The following MACROD2 variants were observed in gnomAD, a reference collection of about 807,000 sequenced individuals.
MACROD2 encodes mono-ADP ribosylhydrolase 2.
In MACROD2, 36 loss-of-function variants were observed where a neutral mutation model predicts 70.4. The observed-to-expected ratio is 0.51, with a 90% CI of 0.39 to 0.68. The LOEUF is 0.68. MACROD2 is among the 30% of genes least tolerant of loss of function. The pLI, the probability that MACROD2 is intolerant of heterozygous loss-of-function variation, is 0.00. For synonymous variants in MACROD2, 172 were observed against 178.8 expected (o/e 0.96, Z 0.30); for missense variants, 496 against 538.4 (o/e 0.92, Z 0.78).
intron 6 of MACROD2, among the ~76,000 whole-genome samples, chr20:15,279,135 A>G (rs1448243003): frequency 6.6e-6 from 1 of 152,200 alleles, no homozygotes; most frequent in East Asian, 1.9e-4. Flanking sequence ...GTTATGAGCG[A>G]CTTTAAAATA....
rs373227803 is a variant in MACROD2 at position 14,396,924 on chromosome 20, C to CAA, written c.272-96540_272-96539dup. Reference sequence around the variant, plus strand: ...TGGACGACAGAGCGAGACTCCATCTCAAAAAAAAAAAAAAAATCCAATCTG... The same window carrying CAA: ...TGGACGACAGAGCGAGACTCCATCTCAAAAAAAAAAAAAAAAAATCCAATCTG... On this transcript the variant is annotated intron_variant, in intron 3 of 17. Transcript: ENST00000684519. Among the ~76,000 whole-genome samples the CAA allele has an allele frequency of 1.8e-3, 148 of 82,534 alleles. 1 individual carries two copies. The highest frequency in any genetic ancestry group is 7.3e-3 in the East Asian group (16 of 2,182). 54.1% of individuals were successfully genotyped at this position (82,534 alleles called of 152,430 possible).
chr20:15,824,498 A>G (rs1293465369), intron 8 of MACROD2, among the ~76,000 whole-genome samples: 1 of 152,140 alleles, frequency 6.6e-6, no homozygotes, highest in Non-Finnish European at 1.5e-5. Context: ...GAAGGCGGGA[A>G]AGCAAAGTAT....
At chr20:14,411,369 C>T (rs1381329095) in intron 3 of MACROD2, among the ~76,000 whole-genome samples, 1 of 152,028 alleles carries the variant, frequency 6.6e-6, no homozygotes, top group Non-Finnish European at 1.5e-5. Flanking sequence ...AATTCCTGCT[C>T]CCAGCTGAAT....
intron 8 of MACROD2, among the ~76,000 whole-genome samples, chr20:15,702,424 T>C (rs781061212): frequency 6.6e-6 from 1 of 152,244 alleles, no homozygotes; most frequent in Non-Finnish European, 1.5e-5. Context: ...TTAGTGATGA[T>C]GAGTATTTTT....
intron 2 of MACROD2, among the ~76,000 whole-genome samples, chr20:14,003,962 G>A (rs981327577): frequency 6.6e-6 from 1 of 152,144 alleles, no homozygotes; most frequent in African/African-American, 2.4e-5. Context: ...AACTGGTATT[G>A]AATATTTCAG....
At chr20:14,581,486 C>T (rs1981014206) in intron 4 of MACROD2, among the ~76,000 whole-genome samples, 2 of 152,244 alleles carry the variant, frequency 1.3e-5, no homozygotes, top group South Asian at 4.2e-4. Flanking sequence ...AGCATGACTT[C>T]CTTAATTTAG....
chr20:15,292,434 G>A (rs1402926826), intron 6 of MACROD2, among the ~76,000 whole-genome samples: 2 of 152,110 alleles, frequency 1.3e-5, no homozygotes, highest in African/African-American at 4.8e-5. Flanking sequence ...CACTCACCCC[G>A]TATTAGCTTT....
At chr20:15,458,806 G>A (rs2046768879) in intron 7 of MACROD2, among the ~76,000 whole-genome samples, 1 of 152,014 alleles carries the variant, frequency 6.6e-6, no homozygotes, top group South Asian at 2.1e-4. Context: ...TTTGGGCCAG[G>A]ATGCCTGGAG....
intron 8 of MACROD2, among the ~76,000 whole-genome samples, chr20:15,515,839 G>C (rs975290167): frequency 2.0e-5 from 3 of 152,178 alleles, no homozygotes; most frequent in African/African-American, 7.2e-5. Flanking sequence ...TGTAGCCCAG[G>C]CTTGGAGAAA....
At chr20:15,816,095 A>G (rs2063871472) in intron 8 of MACROD2, among the ~76,000 whole-genome samples, 2 of 151,952 alleles carry the variant, frequency 1.3e-5, no homozygotes, top group Admixed American at 1.3e-4. Flanking sequence ...TTATATGTAT[A>G]TAATACATAT....
chr20:14,900,854 A>G lies in MACROD2; in HGVS notation c.418+215895A>G, dbSNP rs117570700. ...CTCTTATTTTGCTTGCTTTGCATTT[A>G]TGTTGCTCTTTTTCTGGTTTCTTTC... is the stretch of plus-strand genomic sequence containing the variant. On this transcript the variant is annotated intron_variant, in intron 5 of 17. Transcript: ENST00000684519. Among the ~76,000 whole-genome samples the G allele has an allele frequency of 9.6e-4, 146 of 151,850 alleles. 1 individual carries two copies. Among genetic ancestry groups the G allele is most frequent in the Non-Finnish European group, 1.7e-3 (116 of 67,826 alleles).
chr20:15,488,654 T>C lies in MACROD2; in HGVS notation c.572-11120T>C, dbSNP rs527267641. Among the ~76,000 whole-genome samples, 4 of 152,328 alleles carry C rather than the reference T, an allele frequency of 2.6e-5. No individual in the cohort carries two copies. In the East Asian group the frequency reaches 7.7e-4, roughly 29 times the overall value. On this transcript the variant is annotated intron_variant, in intron 7 of 17. Coordinates refer to ENST00000684519, the MANE Select transcript of MACROD2 (RefSeq NM_001351661.2). ...TGGAAAGATCACTAGCTACCAGGAC[T>C]ATGCACCATCGAATGCCACCCATTC...
At chr20:15,813,519 TATAATC>T (rs767413125) in intron 8 of MACROD2, among the ~76,000 whole-genome samples, 12 of 152,200 alleles carry the variant, frequency 7.9e-5, no homozygotes, top group Non-Finnish European at 1.8e-4. Flanking sequence ...GGCTCACACT[TATAATC>T]ATAGCATTTT....
chr20:14,915,453 A>G (rs2074080050), intron 5 of MACROD2, among the ~76,000 whole-genome samples: 1 of 152,214 alleles, frequency 6.6e-6, no homozygotes, highest in Admixed American at 6.5e-5. Flanking sequence ...CATTAAGCTC[A>G]AGCTCAGCCC....
chr20:15,628,798 A>G (rs2049245395), intron 8 of MACROD2, among the ~76,000 whole-genome samples: 1 of 152,250 alleles, frequency 6.6e-6, no homozygotes, highest in Admixed American at 6.5e-5. Context: ...TGCATGTGGC[A>G]TCTTCAGCAA....
At chr20:15,725,475 T>G (rs1263603087) in intron 8 of MACROD2, among the ~76,000 whole-genome samples, 10 of 152,320 alleles carry the variant, frequency 6.6e-5, no homozygotes, top group Admixed American at 6.5e-4. Context: ...TTCTAGGGGT[T>G]TTTTTGTTGA....
intron 5 of MACROD2, among the ~76,000 whole-genome samples, chr20:14,694,739 G>A (rs927904063): frequency 2.6e-5 from 4 of 152,228 alleles, no homozygotes; most frequent in Non-Finnish European, 5.9e-5. Context: ...GTCCCAGATA[G>A]GGATTAATAA....
chr20:14,985,522 A>C (rs1350062674), intron 5 of MACROD2, among the ~76,000 whole-genome samples: 1 of 152,144 alleles, frequency 6.6e-6, no homozygotes, highest in African/African-American at 2.4e-5. Flanking sequence ...TCCCAACAGC[A>C]GTGGACTCCT....
At chr20:15,757,121 T>C (rs1348857848) in intron 8 of MACROD2, among the ~76,000 whole-genome samples, 2 of 152,252 alleles carry the variant, frequency 1.3e-5, no homozygotes, top group Non-Finnish European at 2.9e-5. Flanking sequence ...CATTTGGAAC[T>C]TCAGAACACA....
Sources: gnomAD v4.1 joint callset for allele counts (sites outside exome capture counted in the v4.1 genomes callset) on GRCh38, gnomAD v4.1.1 for gene constraint, MANE v1.5 for transcripts, NCBI Gene and HGNC (gene_info 2026-07-23, HGNC 2026-07-21) for gene names.